Variants in E2F7 observed in about 807,000 individuals in gnomAD.
E2F7 encodes the protein transcription factor E2F7.
Under a neutral mutation model 81.1 loss-of-function variants are expected in E2F7, and 35 were observed. The ratio of observed to expected loss-of-function variants is 0.43; its 90% CI spans 0.33 to 0.57. The LOEUF (loss-of-function observed/expected upper bound fraction) is 0.57, where lower values mean the gene tolerates loss of function less well. Among genes scored for constraint, E2F7 ranks in the 20% least tolerant of loss-of-function variants. E2F7 has a pLI of 0.04. For missense variants in E2F7, 961 were observed against 1,093.7 expected, an observed-to-expected ratio of 0.88 and a Z score of 1.71; for synonymous variants, 416 against 416.2, an observed-to-expected ratio of 1.00 and a Z score of 0.01.
At chr12:77,024,336 C>T (rs949108958) in intron 12 of E2F7, 151 bp from the exon 13 acceptor site, 1 of 784,320 alleles carries the variant, frequency 1.3e-6, no homozygotes, top group Middle Eastern at 3.2e-4. Flanking sequence ...CCGTTTGTCT[C>T]CCCTGCTTAC....
intron 2 of E2F7, among the ~76,000 whole-genome samples, chr12:77,061,737 C>G (rs1955080179): frequency 6.6e-6 from 1 of 152,210 alleles, no homozygotes; most frequent in South Asian, 2.1e-4. Context: ...CAGCAAGACA[C>G]CACTCCAGGT....
chr12:77,050,610 A>G lies in E2F7; in HGVS notation c.504T>C (p.Thr168=), dbSNP rs752477726. ...YPSYPLSTEK[T]TISLDEVAVS... ...CAGCAACTTCATCTAGGGAGATGGT[A>G]GTTTTCTCAGTTGACAAGGGATAAC... The change falls in exon 4 of 13, where the codon ACT becomes ACC. Residue 168 remains threonine, a synonymous_variant. Coordinates refer to ENST00000322886, the MANE Select transcript of E2F7 (RefSeq NM_203394.3). 2 of 1,614,048 alleles carry G rather than the reference A, an allele frequency of 1.2e-6. No homozygotes were observed. The highest frequency in any genetic ancestry group is 1.7e-5 in the Admixed American group (1 of 59,996).
intron 5 of E2F7, 104 bp from the exon 6 acceptor site, chr12:77,044,899 G>T: frequency 7.6e-7 from 1 of 1,321,232 alleles, no homozygotes; most frequent in Non-Finnish European, 1.0e-6. Context: ...CAGATGGAAA[G>T]ATCACCCTTG....
rs1954994247 is a variant in E2F7, at chr12:77,052,074, T to G, written c.370-1330A>C. Among the ~76,000 whole-genome samples the G allele has an allele frequency of 3.9e-5, 6 of 152,200 alleles. 1 individual carries two copies. The South Asian group carries it at 1.2e-3, about 31-fold the overall frequency. ...ACGAAAGCAACAAAAATGATAAGGA[T>G]TTTAGAAATAAATCTAGCAAAAATC... On this transcript the variant is annotated intron_variant, in intron 3 of 12. Coordinates refer to ENST00000322886, the MANE Select transcript of E2F7 (RefSeq NM_203394.3).
At chr12:77,063,058 CG>C (rs1197302694) in intron 2 of E2F7, among the ~76,000 whole-genome samples, 3 of 152,092 alleles carry the variant, frequency 2.0e-5, no homozygotes, top group African/African-American at 7.2e-5. Context: ...CATCCTGCTC[CG>C]TCCTGCTTCG....
At chr12:77,047,977 T>C (rs1162676246) in intron 4 of E2F7, among the ~76,000 whole-genome samples, 1 of 152,222 alleles carries the variant, frequency 6.6e-6, no homozygotes, top group South Asian at 2.1e-4. Context: ...CCCGGCTGTT[T>C]TGTTAGTTGA....
intron 2 of E2F7, among the ~76,000 whole-genome samples, chr12:77,061,183 C>T (rs76945581): frequency 0.037 from 5,579 of 152,294 alleles, 124 homozygotes; most frequent in Middle Eastern, 0.068. Flanking sequence ...TGTATGCTGA[C>T]AATTCCTGTT....
At chr12:77,026,238 C>T (rs1436111329) in intron 11 of E2F7, among the ~76,000 whole-genome samples, 2 of 152,136 alleles carry the variant, frequency 1.3e-5, no homozygotes, top group Admixed American at 6.5e-5. Flanking sequence ...CCACTGAACC[C>T]AAACTGAGAA....
intron 4 of E2F7, 126 bp from the exon 5 acceptor site, chr12:77,046,454 G>C: frequency 1.0e-6 from 1 of 988,650 alleles, no homozygotes; most frequent in Non-Finnish European, 1.4e-6. Flanking sequence ...CCACTGCGTG[G>C]ATGCTCAAGG....
chr12:77,024,177 A>C lies in E2F7; in HGVS notation c.2574T>G (p.Val858=). The C allele has an allele frequency of 6.2e-7, 1 of 1,611,494 alleles. No individual in the cohort carries two copies. The change falls in exon 13 of 13, where the codon GTT becomes GTG. Residue 858 remains valine (V), a synonymous_variant. Transcript: ENST00000322886. ...GTTGGATGCTCTTGGGGGTCACTGG[A>C]ACTGGTGACTGAAAAAAGAAAAAAG... ...VSVVKLHQSP[V]PVTPKSIQRT...
Position 77,028,063 on chromosome 12 carries a change from G to C in E2F7, c.1960C>G (p.His654Asp), listed in dbSNP as rs755674341. The C allele has an allele frequency of 1.3e-5, 21 of 1,614,230 alleles. No homozygotes were observed. The highest frequency in any genetic ancestry group is 1.8e-5 in the Non-Finnish European group (21 of 1,180,048). The change falls in exon 11 of 13, where the codon CAT becomes GAT. Residue 654 changes from histidine to aspartate, a missense_variant. His to Asp is a moderately conservative substitution (Grantham distance 81). Transcript: ENST00000322886. ...GCAGCAGGGAGTTGGCCATTCACATGAATGTCTTTGAGGGGTATAGATGCC... is the reference window on the plus strand; with the variant it reads ...GCAGCAGGGAGTTGGCCATTCACATCAATGTCTTTGAGGGGTATAGATGCC... ...NRASIPLKDI[H>D]VNGQLPAAEE... is the part of the protein sequence containing the mutation.
intron 7 of E2F7, among the ~76,000 whole-genome samples, chr12:77,038,261 T>C (rs1376163137): frequency 6.6e-6 from 1 of 152,022 alleles, no homozygotes. Context: ...ATAAAATCAG[T>C]AAGAATATAA....
intron 7 of E2F7, among the ~76,000 whole-genome samples, chr12:77,038,257 T>C (rs554756759): frequency 9.9e-4 from 151 of 152,140 alleles, no homozygotes; most frequent in Non-Finnish European, 1.7e-3. Context: ...AAACATAAAA[T>C]CAGTAAGAAT....
chr12:77,034,672 A>T (rs1290927176), intron 7 of E2F7, among the ~76,000 whole-genome samples: 1 of 152,224 alleles, frequency 6.6e-6, no homozygotes, highest in Admixed American at 6.5e-5. Context: ...TGGGGTTAAG[A>T]CACAACTTTC....
chr12:77,064,401 T>A, intron 2 of E2F7, 142 bp downstream of exon 2: 1 of 723,538 alleles, frequency 1.4e-6, no homozygotes, highest in South Asian at 2.3e-5. Flanking sequence ...GCTCTATTTT[T>A]AAAAAAGAAT....
chr12:77,034,479 G>A (rs978557422), intron 7 of E2F7, among the ~76,000 whole-genome samples: 5 of 152,158 alleles, frequency 3.3e-5, no homozygotes, highest in Admixed American at 6.5e-5. Flanking sequence ...CTACAGCAAT[G>A]AATAGGAGAA....
At chr12:77,025,469 G>A (rs910674632) in intron 12 of E2F7, 89 bp downstream of exon 12, 35 of 1,465,794 alleles carry the variant, frequency 2.4e-5, no homozygotes, top group Non-Finnish European at 3.3e-5. Flanking sequence ...TAGTGCCTCT[G>A]TCCGGCAGTC....
chr12:77,065,102 A>T (rs1955108408), intron 1 of E2F7, among the ~76,000 whole-genome samples: 1 of 152,182 alleles, frequency 6.6e-6, no homozygotes, highest in Non-Finnish European at 1.5e-5. Flanking sequence ...CTCCAAGCAG[A>T]TCCCCCAAAT....
chr12:77,058,987 A>G (rs933980425), intron 2 of E2F7, among the ~76,000 whole-genome samples: 3 of 152,194 alleles, frequency 2.0e-5, no homozygotes, highest in African/African-American at 7.2e-5. Context: ...CTGTGCTTTG[A>G]TGAGTTATTC....
Sources: gnomAD v4.1 joint callset for allele counts (sites outside exome capture counted in the v4.1 genomes callset) on GRCh38, gnomAD v4.1.1 for gene constraint, MANE v1.5 for transcripts, NCBI Gene and HGNC (gene_info 2026-07-23, HGNC 2026-07-21) for gene names.